CCR5AS: variants seen among roughly 807,000 people sequenced by gnomAD.
CCR5AS encodes CCR5 antisense RNA.
At chr3:46,374,093 T>G in intron 2 of CCR5AS, 1 of 536,890 alleles carries the variant, frequency 1.9e-6, no homozygotes, top group Non-Finnish European at 3.3e-6. Context: ...GGGTCTAAGA[T>G]TCATCCATTT....
chr3:46,390,514 T>C (rs200319312), intron 2 of CCR5AS, among the ~76,000 whole-genome samples: 1 of 152,160 alleles, frequency 6.6e-6, no homozygotes, highest in East Asian at 1.9e-4. Context: ...GGATGGGATA[T>C]TGGCATTGAG....
chr3:46,399,919 A>G (rs1255521210), intron 1 of CCR5AS, among the ~76,000 whole-genome samples: 1 of 152,224 alleles, frequency 6.6e-6, no homozygotes, highest in Non-Finnish European at 1.5e-5. Flanking sequence ...GGAATCTAGA[A>G]GAATCTCTGG....
chr3:46,405,729 T>C (rs952044937), intron 1 of CCR5AS, among the ~76,000 whole-genome samples: 2 of 152,196 alleles, frequency 1.3e-5, no homozygotes, highest in Non-Finnish European at 2.9e-5. Context: ...TCAAACATCA[T>C]TGTGTTTCTC....
chr3:46,401,823 A>G (rs1702008626), intron 1 of CCR5AS, among the ~76,000 whole-genome samples: 1 of 150,860 alleles, frequency 6.6e-6, no homozygotes, highest in South Asian at 2.1e-4. Flanking sequence ...TTATTACTAG[A>G]CCACACAGTA....
At position 46,390,794 on chromosome 3, in the gene CCR5AS, T is replaced by C. The variant is rs1002357351; in HGVS notation, n.391+2031A>G. ...AACTAAAAAAGTGCATAAAAGAATG[T>C]TGTCCAAGTTGGCACCAGAGTGGGG... On this transcript the variant is annotated intron_variant and non_coding_transcript_variant, in intron 2 of 3. Coordinates refer to ENST00000451485, the Ensembl canonical transcript of CCR5AS. Among the ~76,000 whole-genome samples the C allele has an allele frequency of 2.6e-5, 4 of 152,158 alleles. 1 individual carries two copies. In the South Asian group the frequency reaches 8.3e-4, roughly 31 times the overall value.
At chr3:46,365,719 G>C (rs1701592649) in intron 3 of CCR5AS, among the ~76,000 whole-genome samples, 1 of 152,112 alleles carries the variant, frequency 6.6e-6, no homozygotes, top group African/African-American at 2.4e-5. Context: ...AGATATGTGA[G>C]ATCTCTCTTT....
chr3:46,391,379 G>A (rs1382908394), intron 2 of CCR5AS, among the ~76,000 whole-genome samples: 1 of 152,180 alleles, frequency 6.6e-6, no homozygotes, highest in Non-Finnish European at 1.5e-5. Context: ...TTAAGGCGAG[G>A]GTAATTAAAT....
chr3:46,365,575 G>T (rs1390547284), intron 3 of CCR5AS, among the ~76,000 whole-genome samples: 6 of 152,100 alleles, frequency 3.9e-5, no homozygotes, highest in African/African-American at 1.4e-4. Context: ...TCTCACCAAG[G>T]TGTGCCTGAA....
In CCR5AS at chr3:46,385,271, A is replaced by T. The variant is rs554560404; in HGVS notation, n.391+7554T>A. On this transcript the variant is annotated intron_variant and non_coding_transcript_variant, in intron 2 of 3. Transcript: ENST00000451485. ...CACAGGCACCCCCTAACTGTGTTAAACAAGATGGTAGTATTGAGACAGGAA... is the reference window on the plus strand; with the variant it reads ...CACAGGCACCCCCTAACTGTGTTAATCAAGATGGTAGTATTGAGACAGGAA... Among the ~76,000 whole-genome samples the T allele has an allele frequency of 2.6e-5, 4 of 152,342 alleles. No homozygotes were observed. In the South Asian group the frequency reaches 8.3e-4, roughly 32 times the overall value.
At chr3:46,367,321 AT>A (rs1186795619) in intron 3 of CCR5AS, among the ~76,000 whole-genome samples, 1 of 151,740 alleles carries the variant, frequency 6.6e-6, no homozygotes, top group East Asian at 1.9e-4. Context: ...CTTATAAAGA[AT>A]TTTTTAATAA....
chr3:46,396,493 A>T (rs1414888115), intron 1 of CCR5AS, among the ~76,000 whole-genome samples: 1 of 152,166 alleles, frequency 6.6e-6, no homozygotes, highest in African/African-American at 2.4e-5. Context: ...TGTACAGTGG[A>T]TACTGTGAGA....
At chr3:46,397,749 G>A (rs1301025547) in intron 1 of CCR5AS, among the ~76,000 whole-genome samples, 1 of 152,222 alleles carries the variant, frequency 6.6e-6, no homozygotes, top group African/African-American at 2.4e-5. Flanking sequence ...CCAGAATAAA[G>A]CTGGGTAGAG....
intron 1 of CCR5AS, among the ~76,000 whole-genome samples, chr3:46,405,723 ACAT>A (rs1269854477): frequency 2.6e-5 from 4 of 152,106 alleles, no homozygotes; most frequent in Non-Finnish European, 5.9e-5. Flanking sequence ...CTGCCATCAA[ACAT>A]CATTGTGTTT....
exon 4 of CCR5AS, among the ~76,000 whole-genome samples, chr3:46,364,503 T>C (rs1701582092): frequency 6.6e-6 from 1 of 152,240 alleles, no homozygotes. Context: ...GATCAAGAGC[T>C]GTGTTGGAGA....
intron 2 of CCR5AS, among the ~76,000 whole-genome samples, chr3:46,377,392 G>A (rs141764452): frequency 6.6e-6 from 1 of 152,284 alleles, no homozygotes; most frequent in East Asian, 1.9e-4. Flanking sequence ...GAGATTGCAT[G>A]CCATGGATAA....
intron 2 of CCR5AS, among the ~76,000 whole-genome samples, chr3:46,389,607 A>C (rs1701893193): frequency 6.6e-6 from 1 of 152,196 alleles, no homozygotes; most frequent in African/African-American, 2.4e-5. Context: ...GCTGTGTGTA[A>C]GGAAAAAGGA....
In CCR5AS at chr3:46,373,260, A is replaced by G. The variant is rs370409212; in HGVS notation, n.392-1843T>C. 9.3e-6 allele frequency: 15 copies of G among 1,613,920 alleles called. No homozygotes were observed. In the Admixed American group the frequency reaches 1.0e-4, roughly 11 times the overall value. On this transcript the variant is annotated intron_variant and non_coding_transcript_variant, in intron 2 of 3. Transcript: ENST00000451485. ...CTTCTTCTCTGGAATCTTCTTCATC[A>G]TCCTCCTGACAATCGATAGGTACCT...
chr3:46,400,669 G>A (rs1701999055), intron 1 of CCR5AS, among the ~76,000 whole-genome samples: 1 of 152,206 alleles, frequency 6.6e-6, no homozygotes, highest in Non-Finnish European at 1.5e-5. Flanking sequence ...TGAGACTTGG[G>A]CACCAGATGG....
intron 2 of CCR5AS, chr3:46,371,442 A>C (rs947995388): frequency 4.6e-5 from 7 of 152,234 alleles, no homozygotes; most frequent in African/African-American, 1.7e-4. Flanking sequence ...AATTAATATT[A>C]AATTACAAAC....
Sources: allele counts gnomAD v4.1 joint callset (sites outside exome capture counted in the v4.1 genomes callset), GRCh38; gene constraint gnomAD v4.1.1; transcripts MANE v1.5; gene names NCBI Gene and HGNC (gene_info 2026-07-23, HGNC 2026-07-21).